The following MICOS10 variants were observed in gnomAD, a reference collection of about 807,000 sequenced individuals.
MICOS10 encodes MICOS complex subunit MIC10.
In MICOS10, 5 loss-of-function variants were observed where a neutral mutation model predicts 13.4. The ratio of observed to expected loss-of-function variants is 0.37; its 90% CI spans 0.20 to 0.78. The LOEUF (loss-of-function observed/expected upper bound fraction) is 0.78, where lower values mean the gene tolerates loss of function less well. Ranked by LOEUF, MICOS10 falls within the 30% of genes least tolerant of loss-of-function variation. The pLI, the probability that MICOS10 is intolerant of heterozygous loss-of-function variation, is 0.47. For synonymous variants in MICOS10, 35 were observed against 33.6 expected (o/e 1.04, Z -0.15); for missense variants, 101 against 94.6 (o/e 1.07, Z -0.28).
chr1:19,622,920 C>CCTTTTT (rs1553310371), intron 2 of MICOS10, among the ~76,000 whole-genome samples: 2 of 131,924 alleles, frequency 1.5e-5, no homozygotes, highest in African/African-American at 5.7e-5. Flanking sequence ...TATTTTACTA[C>CCTTTTT]TTTTTTTTTT....
At chr1:19,614,276 G>T (rs2094874837) in intron 1 of MICOS10, among the ~76,000 whole-genome samples, 1 of 151,070 alleles carries the variant, frequency 6.6e-6, no homozygotes, top group Admixed American at 6.6e-5. Context: ...TATCCAGGTA[G>T]AAGTTCTCAG....
At chr1:19,622,255 C>A in intron 2 of MICOS10, 108 bp downstream of exon 2, 1 of 793,692 alleles carries the variant, frequency 1.3e-6, no homozygotes, top group Non-Finnish European at 2.0e-6. Context: ...GGTTGCCAAC[C>A]CATCCATTTA....
chr1:19,617,797 C>A lies in MICOS10; in HGVS notation c.65-4303C>A, dbSNP rs1347670548. ...GTTTGATATAAATTCATGTTCAAAG[C>A]ACAAATACAGCTTTATTAGACACAA... On this transcript the variant is annotated intron_variant, in intron 1 of 3. Coordinates refer to ENST00000322753, the MANE Select transcript of MICOS10 (RefSeq NM_001032363.4). Among the ~76,000 whole-genome samples the A allele has an allele frequency of 5.3e-5, 8 of 151,936 alleles. No homozygotes were observed. The South Asian group carries it at 1.5e-3, about 28-fold the overall frequency.
At chr1:19,600,861 A>G (rs1303923088) in intron 1 of MICOS10, 4 of 1,286,078 alleles carry the variant, frequency 3.1e-6, no homozygotes, top group Non-Finnish European at 4.1e-6. Context: ...TTGGCCTCCC[A>G]ACGTGCCAGG....
At chr1:19,609,428 CTGTT>C (rs1288184673) in intron 1 of MICOS10, among the ~76,000 whole-genome samples, 18 of 152,336 alleles carry the variant, frequency 1.2e-4, no homozygotes, top group Middle Eastern at 3.4e-3. Flanking sequence ...CTTTGGAACA[CTGTT>C]TGGCCATTTA....
intron 3 of MICOS10, 97 bp downstream of exon 3, chr1:19,623,680 G>A (rs779531688): frequency 3.3e-5 from 26 of 782,232 alleles, no homozygotes; most frequent in African/African-American, 1.4e-4. Flanking sequence ...AGTAAACCAT[G>A]TGTGTCATTG....
intron 1 of MICOS10, among the ~76,000 whole-genome samples, chr1:19,610,038 A>C (rs1460642178): frequency 6.6e-6 from 1 of 152,066 alleles, no homozygotes; most frequent in Non-Finnish European, 1.5e-5. Context: ...GCTACTCGGG[A>C]GGGTGAGGCA....
chr1:19,607,976 C>CA, intron 1 of MICOS10: 1 of 607,880 alleles, frequency 1.6e-6, no homozygotes, highest in South Asian at 2.0e-5. Context: ...TTTCAACAAA[C>CA]CATGCTAAAA....
chr1:19,625,058 T>C (rs1480933230), intron 3 of MICOS10, among the ~76,000 whole-genome samples: 1 of 152,226 alleles, frequency 6.6e-6, no homozygotes, highest in Non-Finnish European at 1.5e-5. Context: ...AGCCTGTCAC[T>C]TGCTTCCTGT....
intron 3 of MICOS10, chr1:19,625,567 C>T (rs1232649358): frequency 3.1e-6 from 4 of 1,289,316 alleles, no homozygotes; most frequent in African/African-American, 1.5e-5. Flanking sequence ...CTCCCTGGCT[C>T]CTCGCTTTCC....
At chr1:19,625,237 G>A (rs1737429) in intron 3 of MICOS10, among the ~76,000 whole-genome samples, 16,683 of 152,254 alleles carry the variant, frequency 0.11, 3,094 homozygotes, top group African/African-American at 0.38. Flanking sequence ...GCCCAAAAAG[G>A]GTGATTGACT....
At chr1:19,604,353 C>G (rs2094826948) in intron 1 of MICOS10, among the ~76,000 whole-genome samples, 1 of 151,996 alleles carries the variant, frequency 6.6e-6, no homozygotes, top group Non-Finnish European at 1.5e-5. Flanking sequence ...ACTAGACATA[C>G]AAAAAATTAG....
chr1:19,608,329 T>G, intron 1 of MICOS10: 1 of 1,308,920 alleles, frequency 7.6e-7, no homozygotes, highest in Non-Finnish European at 1.1e-6. Flanking sequence ...CCTCGCCATA[T>G]GCTGCTATGT....
At chr1:19,606,956 A>G (rs76144584) in intron 1 of MICOS10, among the ~76,000 whole-genome samples, 1,916 of 152,378 alleles carry the variant, frequency 0.013, 13 homozygotes, top group Middle Eastern at 0.051. Flanking sequence ...GTTTTTCTTT[A>G]AGTATCAGTT....
chr1:19,626,383 A>ACAGGAG lies in MICOS10; in HGVS notation c.229_234dup. The ACAGGAG allele has an allele frequency of 6.2e-7, 1 of 1,613,926 alleles. No homozygotes were observed. On this transcript the variant is annotated splice_polypyrimidine_tract_variant and splice_region_variant and intron_variant, in intron 3 of 3. Transcript: ENST00000322753. ...GTTTTAAGCTGAATGTCCTTGCTTT[A>ACAGGAG]CAGGAGCAGGAGCAGTGACTTCACC...
chr1:19,608,370 A>T, intron 1 of MICOS10: 1 of 1,261,662 alleles, frequency 7.9e-7, no homozygotes. Flanking sequence ...CAGAGGTGCA[A>T]GGAGCTGGGT....
At chr1:19,612,446 G>T (rs1380319716) in intron 1 of MICOS10, among the ~76,000 whole-genome samples, 1 of 151,934 alleles carries the variant, frequency 6.6e-6, no homozygotes, top group Non-Finnish European at 1.5e-5. Flanking sequence ...ACTCTAGCCA[G>T]GCGTGGTGGA....
At position 19,616,319 on chromosome 1, in the gene MICOS10, A is replaced by C. The variant is rs2094884433; in HGVS notation, c.65-5781A>C. ...AATGAATCCCCGATTCTTATATTTA[A>C]TTTCACAAGGATGAGAATCCAGTTA... On this transcript the variant is annotated intron_variant, in intron 1 of 3. Transcript: ENST00000322753. Among the ~76,000 whole-genome samples the C allele has an allele frequency of 2.6e-5, 4 of 152,226 alleles. 1 individual carries two copies. The South Asian group carries it at 8.3e-4, about 31-fold the overall frequency.
rs1366018340 is a variant in MICOS10, at chr1:19,623,815, C to T, written c.222+232C>T. On this transcript the variant is annotated intron_variant, in intron 3 of 3. Coordinates refer to ENST00000322753, the MANE Select transcript of MICOS10 (RefSeq NM_001032363.4). The stretch of plus-strand genomic sequence containing the variant: ...TTCAGATATATACTCATGTGCTAGC[C>T]GATTGGAATTAAGGAGCCTGCTTGA... 1.6e-5 allele frequency: 6 copies of T among 364,314 alleles called. No homozygotes were observed. The South Asian group carries it at 2.0e-4, about 12-fold the overall frequency. 22.6% of individuals were successfully genotyped at this position (364,314 alleles called of 1,614,324 possible).
Sources: allele counts gnomAD v4.1 joint callset (sites outside exome capture counted in the v4.1 genomes callset), GRCh38; gene constraint gnomAD v4.1.1; transcripts MANE v1.5; gene names NCBI Gene and HGNC (gene_info 2026-07-23, HGNC 2026-07-21).